Variants in RUBCN observed in about 807,000 individuals in gnomAD.
The protein encoded by RUBCN is run domain Beclin-1-interacting and cysteine-rich domain-containing protein.
In RUBCN, 74 loss-of-function variants were observed where a neutral mutation model predicts 113.2. The observed-to-expected ratio is 0.65, with a 90% confidence interval of 0.54 to 0.79. RUBCN has a LOEUF of 0.79. RUBCN is among the 30% of genes least tolerant of loss of function. RUBCN has a pLI of 0.00. For synonymous variants in RUBCN, 480 were observed against 490.0 expected (o/e 0.98, Z 0.27); for missense variants, 1,109 against 1,251.7 (o/e 0.89, Z 1.72).
rs536396361 is a variant in RUBCN at position 197,682,398 on chromosome 3, G to A, written c.2126+72C>T. On this transcript the variant is annotated intron_variant, in intron 14 of 19. Coordinates refer to ENST00000296343, the MANE Select transcript of RUBCN (RefSeq NM_014687.4). ...GACAGCTGGAGGCAGGGACAAGTGG[G>A]TGAGACGAAAACCCTGACAATCCAA... 6 of 1,573,890 alleles carry A rather than the reference G, an allele frequency of 3.8e-6. No individual in the cohort carries two copies. The Admixed American group carries it at 5.2e-5, about 14-fold the overall frequency.
upstream of RUBCN, among the ~76,000 whole-genome samples, chr3:197,739,681 A>C (rs905234660): frequency 6.6e-6 from 1 of 152,200 alleles, no homozygotes; most frequent in Non-Finnish European, 1.5e-5. Flanking sequence ...CCTGGAAGAC[A>C]GAGCTAGACC....
intron 1 of RUBCN, among the ~76,000 whole-genome samples, chr3:197,731,662 G>A (rs1340750920): frequency 2.6e-5 from 4 of 151,572 alleles, no homozygotes; most frequent in Admixed American, 6.5e-5. Context: ...GCGGCTGGCC[G>A]GGCAGAGGGG....
rs148145122 is a variant in RUBCN, at chr3:197,730,586, TGA to T, written c.65+6067_65+6068del. Among the ~76,000 whole-genome samples, 329 of 151,160 alleles carry T rather than the reference TGA, an allele frequency of 2.2e-3. 1 individual carries two copies. Among genetic ancestry groups the T allele is most frequent in the African/African-American group, 7.5e-3 (307 of 41,074 alleles). On this transcript the variant is annotated intron_variant, in intron 1 of 19. Coordinates refer to ENST00000296343, the MANE Select transcript of RUBCN (RefSeq NM_014687.4). ...ACCCTAGATTTTTTTTTTTTTTTTT[TGA>T]GAGAGAAAGTGGGACCAGGGGGCCA...
rs2108927599 is a variant in RUBCN at position 197,707,907 on chromosome 3, T to G, written c.220-2732A>C. ...TGAGCCTGGGAAGTGAAGGTTGCAGTGAGCTGAGATCAAGCCACTGCCCTC... is the reference window on the plus strand; with the variant it reads ...TGAGCCTGGGAAGTGAAGGTTGCAGGGAGCTGAGATCAAGCCACTGCCCTC... On this transcript the variant is annotated intron_variant, in intron 2 of 19. Transcript: ENST00000296343. 1.3e-5 allele frequency among the ~76,000 whole-genome samples: 2 copies of G among 151,564 alleles called. 1 individual carries two copies. Among genetic ancestry groups the G allele is most frequent in the South Asian group, 4.2e-4 (2 of 4,790 alleles).
intron 4 of RUBCN, among the ~76,000 whole-genome samples, chr3:197,704,158 G>A (rs769192501): frequency 6.6e-6 from 1 of 152,212 alleles, no homozygotes; most frequent in East Asian, 1.9e-4. Context: ...AGGCCCTGCC[G>A]GGCACGGTAG....
rs894294549 is a variant in RUBCN, at chr3:197,672,646, G to C, written c.*2372C>G. 1 of 152,236 alleles carries C rather than the reference G, an allele frequency of 6.6e-6. No individual in the cohort carries two copies. The highest frequency in any genetic ancestry group is 2.4e-5 in the African/African-American group (1 of 41,452). The allele number at this position is 152,236 out of a possible 1,614,324, so 9.4% of individuals were successfully genotyped here. On this transcript the variant is annotated 3_prime_UTR_variant, in exon 20 of 20. Coordinates refer to ENST00000296343, the MANE Select transcript of RUBCN (RefSeq NM_014687.4). ...TGATGTGAAACAGGCAGGACAAGAC[G>C]GCACATCTGTCCTCCAGCGCAGTGA...
At chr3:197,702,920 A>G (rs1723844928) in intron 5 of RUBCN, among the ~76,000 whole-genome samples, 3 of 152,108 alleles carry the variant, frequency 2.0e-5, no homozygotes, top group Non-Finnish European at 2.9e-5. Flanking sequence ...ACTCTATCCG[A>G]TTCAAAACCA....
intron 1 of RUBCN, among the ~76,000 whole-genome samples, chr3:197,746,319 G>T (rs1330531726): frequency 2.0e-5 from 3 of 152,278 alleles, no homozygotes; most frequent in East Asian, 3.9e-4. Context: ...AGTTTAACTT[G>T]CTACATTCCA....
intron 11 of RUBCN, among the ~76,000 whole-genome samples, chr3:197,684,972 T>C (rs1276070332): frequency 6.6e-6 from 1 of 152,176 alleles, no homozygotes; most frequent in Non-Finnish European, 1.5e-5. Flanking sequence ...AAAAGCTTCA[T>C]GGAGGAAAAG....
chr3:197,697,348 C>G (rs1315943809), intron 7 of RUBCN, among the ~76,000 whole-genome samples: 1 of 152,184 alleles, frequency 6.6e-6, no homozygotes, highest in African/African-American at 2.4e-5. Context: ...CATCTTTTAA[C>G]CAAACATTAC....
chr3:197,746,813 C>T (rs1333142548), intron 1 of RUBCN, among the ~76,000 whole-genome samples: 1 of 152,174 alleles, frequency 6.6e-6, no homozygotes, highest in Non-Finnish European at 1.5e-5. Context: ...AACTGCTGTA[C>T]ACCAACAAAG....
At chr3:197,715,431 T>C (rs991233630) in intron 2 of RUBCN, among the ~76,000 whole-genome samples, 2 of 152,186 alleles carry the variant, frequency 1.3e-5, no homozygotes, top group Non-Finnish European at 2.9e-5. Flanking sequence ...ATTCTAAATA[T>C]GACAATATTT....
At chr3:197,748,117 TA>T (rs370186579) in intron 1 of RUBCN, 4 of 151,104 alleles carry the variant, frequency 2.6e-5, no homozygotes, top group South Asian at 2.1e-4. Context: ...TTTTTTTATT[TA>T]TTTTTATTTT....
chr3:197,691,263 T>C, intron 11 of RUBCN: 1 of 536,992 alleles, frequency 1.9e-6, no homozygotes, highest in South Asian at 1.6e-5. Context: ...AAACATGAAA[T>C]GGCGTTTAGG....
chr3:197,690,999 A>T, intron 11 of RUBCN: 1 of 752,402 alleles, frequency 1.3e-6, no homozygotes, highest in Non-Finnish European at 2.0e-6. Flanking sequence ...TCACATGATT[A>T]AGTATATACG....
upstream of RUBCN, among the ~76,000 whole-genome samples, chr3:197,739,313 C>T (rs1728408039): frequency 7.1e-6 from 1 of 141,274 alleles, no homozygotes; most frequent in African/African-American, 2.6e-5. Context: ...ATGGCTTGAA[C>T]CCAGGAGGCA....
intron 17 of RUBCN, 118 bp downstream of exon 17, chr3:197,677,362 T>C (rs959517038): frequency 6.8e-6 from 6 of 886,344 alleles, no homozygotes; most frequent in Non-Finnish European, 1.2e-5. Flanking sequence ...TTTACCACTT[T>C]ACAGTTCTGC....
rs1560442680 is a variant in RUBCN at position 197,706,528 on chromosome 3, CA to C, written c.220-1354del. Among the ~76,000 whole-genome samples, 8 of 151,622 alleles carry C rather than the reference CA, an allele frequency of 5.3e-5. No homozygotes were observed. In the East Asian group the frequency reaches 1.6e-3, roughly 30 times the overall value. On this transcript the variant is annotated intron_variant, in intron 2 of 19. Coordinates refer to ENST00000296343, the MANE Select transcript of RUBCN (RefSeq NM_014687.4). ...GAGACCCCATCTCTACTAAAAAATC[CA>C]AAAAGTTAGCCAGGTGTGGTGGCAC...
chr3:197,674,880 TA>T lies in RUBCN; in HGVS notation c.*137del, dbSNP rs796413468. ...TGCACACAGACGTCAGACAAGTCAG[TA>T]AAAAAAAAAAAAAAGATGATGATAA... On this transcript the variant is annotated 3_prime_UTR_variant, in exon 20 of 20. Coordinates refer to ENST00000296343, the MANE Select transcript of RUBCN (RefSeq NM_014687.4). The T allele has an allele frequency of 0.22, 96,036 of 433,036 alleles. No homozygotes were observed. Among genetic ancestry groups the T allele is most frequent in the East Asian group, 0.27 (6,718 of 24,900 alleles). 26.8% of individuals were successfully genotyped at this position (433,036 alleles called of 1,614,324 possible).
Sources: gnomAD v4.1 joint callset for allele counts (sites outside exome capture counted in the v4.1 genomes callset) on GRCh38, gnomAD v4.1.1 for gene constraint, MANE v1.5 for transcripts, NCBI Gene and HGNC (gene_info 2026-07-23, HGNC 2026-07-21) for gene names.